FHL1: variants seen among roughly 807,000 people sequenced by gnomAD.
The protein encoded by FHL1 is four and a half LIM domains protein 1.
A neutral mutation model predicts 20.3 loss-of-function variants in FHL1; 1 was observed. The observed-to-expected ratio is 0.05, with a 90% CI of 0.02 to 0.23. The LOEUF is 0.23. Among genes scored for constraint, FHL1 ranks in the 10% least tolerant of loss-of-function variants. The pLI, the probability that FHL1 is intolerant of heterozygous loss-of-function variation, is 1.00. For synonymous variants in FHL1, 82 were observed against 88.9 expected (o/e 0.92, Z 0.44); for missense variants, 177 against 234.0 (o/e 0.76, Z 1.59).
intron 1 of FHL1, among the ~76,000 whole-genome samples, chrX:136,160,065 TTAATG>T (rs2072525225): frequency 8.9e-6 from 1 of 112,166 alleles, no homozygotes; most frequent in Non-Finnish European, 1.9e-5. Flanking sequence ...TTTATAGGCA[TTAATG>T]TAAATAGTTT....
intron 2 of FHL1, among the ~76,000 whole-genome samples, chrX:136,179,795 G>C (rs2073107237): frequency 9.0e-6 from 1 of 111,352 alleles, no homozygotes; most frequent in African/African-American, 3.3e-5. Flanking sequence ...TTCCTTCACT[G>C]TAGCATGACA....
At chrX:136,198,272 G>A (rs1024438830) in intron 1 of FHL1, among the ~76,000 whole-genome samples, 2 of 110,966 alleles carry the variant, frequency 1.8e-5, no homozygotes, top group Non-Finnish European at 3.8e-5. Flanking sequence ...TGTGCTAGTT[G>A]TCCTGATGAA....
At chrX:136,186,942 C>T (rs2073320006) in intron 2 of FHL1, among the ~76,000 whole-genome samples, 1 of 107,940 alleles carries the variant, frequency 9.3e-6, no homozygotes, top group Non-Finnish European at 1.9e-5. Context: ...ATTGTGATAA[C>T]AAATATTTGT....
rs776428720 is a variant in FHL1 at position 136,208,674 on chromosome X, G to C, written c.736+33G>C. ...AAAGAGTCCTTGCTAAGTCTGCCAGGCTAGGTTTTGCGCATGGTAACCATC... is the reference window on the plus strand; with the variant it reads ...AAAGAGTCCTTGCTAAGTCTGCCAGCCTAGGTTTTGCGCATGGTAACCATC... On this transcript the variant is annotated intron_variant, in intron 5 of 5. Transcript: ENST00000370683. 8.2e-5 allele frequency: 96 copies of C among 1,164,520 alleles called. No individual in the cohort carries two copies. The South Asian group carries it at 1.7e-3, about 20-fold the overall frequency.
At chrX:136,157,633 C>T (rs995067440) in intron 1 of FHL1, among the ~76,000 whole-genome samples, 2 of 111,045 alleles carry the variant, frequency 1.8e-5, no homozygotes, top group African/African-American at 3.3e-5. Flanking sequence ...ATTCTTCCCC[C>T]AGCCCCTTTC....
rs1356447861 is a variant in FHL1 at position 136,211,226 on chromosome X, G to A, written c.*1201G>A. The stretch of plus-strand genomic sequence containing the variant: ...ACAATATCAAAAGTAAACATGTAAT[G>A]ACAATACATACTAACATTCTTGTAG... On this transcript the variant is annotated 3_prime_UTR_variant, in exon 6 of 6. Transcript: ENST00000370683. The A allele has an allele frequency of 1.1e-5, 4 of 355,824 alleles. No homozygotes were observed. The highest frequency in any genetic ancestry group is 2.1e-5 in the Non-Finnish European group (4 of 186,266). 29.3% of individuals were successfully genotyped at this position (355,824 alleles called of 1,213,427 possible). A position where few individuals can be genotyped will look rare whatever the true frequency, so the allele number is the denominator to read the frequency against.
chrX:136,155,753 TATAG>T (rs763158845), intron 1 of FHL1, among the ~76,000 whole-genome samples: 31 of 110,937 alleles, frequency 2.8e-4, no homozygotes, highest in South Asian at 7.7e-4. Flanking sequence ...TTTGAACTAC[TATAG>T]ATAAAAACTC....
At chrX:136,162,805 T>G (rs2072609060) in intron 1 of FHL1, among the ~76,000 whole-genome samples, 1 of 111,838 alleles carries the variant, frequency 8.9e-6, no homozygotes, top group Non-Finnish European at 1.9e-5. Flanking sequence ...CTGGGGGAAC[T>G]TTGTTGGGGG....
At chrX:136,179,465 G>A (rs2073099238) in intron 2 of FHL1, among the ~76,000 whole-genome samples, 1 of 111,573 alleles carries the variant, frequency 9.0e-6, no homozygotes, top group East Asian at 2.8e-4. Context: ...TCCTTACTGG[G>A]GCAATCTAAG....
At chrX:136,179,623 T>C (rs1451757598) in intron 2 of FHL1, among the ~76,000 whole-genome samples, 1 of 112,237 alleles carries the variant, frequency 8.9e-6, no homozygotes, top group Non-Finnish European at 1.9e-5. Context: ...AGAGACTTAG[T>C]AGGCATTTGC....
chrX:136,173,729 C>T (rs1314025792), intron 2 of FHL1, among the ~76,000 whole-genome samples: 6 of 101,623 alleles, frequency 5.9e-5, no homozygotes, highest in Non-Finnish European at 9.9e-5. Context: ...GATGGAGTCT[C>T]GCTCTGTCAC....
intron 1 of FHL1, chrX:136,147,655 C>A (rs2072135208): frequency 9.3e-6 from 1 of 108,088 alleles, no homozygotes; most frequent in Admixed American, 9.7e-5. Context: ...TCCGCTTGTG[C>A]GCGCGTGTGT....
chrX:136,209,673 G>A (rs893407799), intron 5 of FHL1, among the ~76,000 whole-genome samples, 198 bp from the exon 6 acceptor site: 7 of 110,043 alleles, frequency 6.4e-5, no homozygotes, highest in African/African-American at 9.9e-5. Context: ...CGGCATGGGG[G>A]ACAATGGCGG....
chrX:136,186,776 C>T (rs2073299838), intron 2 of FHL1, among the ~76,000 whole-genome samples: 1 of 107,677 alleles, frequency 9.3e-6, no homozygotes, highest in Admixed American at 1.0e-4. Context: ...ATCGCTTGAG[C>T]CCGGGAGGCA....
At position 136,206,614 on chromosome X, in the gene FHL1, G is replaced by A. The variant is rs2073848271; in HGVS notation, c.204+26G>A. The A allele has an allele frequency of 2.5e-6, 3 of 1,209,812 alleles. No individual in the cohort carries two copies. In the Admixed American group the frequency reaches 6.5e-5, roughly 26 times the overall value. On this transcript the variant is annotated intron_variant, in intron 2 of 5. Coordinates refer to ENST00000370683, the MANE Select transcript of FHL1 (RefSeq NM_001159699.2). ...GTAACGGGCATCCCCATGTGCCAATGGGAAGGGCTGGGTTTTGGAGTGTCC... is the reference window on the plus strand; with the variant it reads ...GTAACGGGCATCCCCATGTGCCAATAGGAAGGGCTGGGTTTTGGAGTGTCC...
chrX:136,209,146 G>A, intron 5 of FHL1: 5 of 841,354 alleles, frequency 5.9e-6, no homozygotes, highest in Non-Finnish European at 8.4e-6. Flanking sequence ...TCGCGGCCGC[G>A]ATCCACGTGC....
chrX:136,208,265 C>T (rs2073903234), intron 4 of FHL1, among the ~76,000 whole-genome samples, 190 bp from the exon 5 acceptor site: 1 of 111,991 alleles, frequency 8.9e-6, no homozygotes, highest in African/African-American at 3.2e-5. Flanking sequence ...CACATAGGGG[C>T]TCACCTTCTC....
chrX:136,156,986 TACACACACACACACAC>T (rs74780878), intron 1 of FHL1, among the ~76,000 whole-genome samples: 2 of 102,111 alleles, frequency 2.0e-5, no homozygotes, highest in East Asian at 6.3e-4. Flanking sequence ...GACTAAGGAA[TACACACACACACACAC>T]ACACACACAC....
chrX:136,166,289 A>C (rs1235119818), upstream of FHL1, among the ~76,000 whole-genome samples: 1 of 112,316 alleles, frequency 8.9e-6, no homozygotes, highest in Non-Finnish European at 1.9e-5. Flanking sequence ...CTGGGTGGTG[A>C]AACCATGAAC....
Sources: gnomAD v4.1 joint callset for allele counts (sites outside exome capture counted in the v4.1 genomes callset) on GRCh38, gnomAD v4.1.1 for gene constraint, MANE v1.5 for transcripts, NCBI Gene and HGNC (gene_info 2026-07-23, HGNC 2026-07-21) for gene names.